CDHR2: variants seen among roughly 807,000 people sequenced by gnomAD.
CDHR2 encodes the protein cadherin-related family member 2.
CDHR2 carries 104 observed loss-of-function variants against 138.6 expected under a neutral mutation model. That is an observed-to-expected ratio of 0.75 (90% CI 0.64 to 0.88). CDHR2 has a LOEUF of 0.88. Among genes scored for constraint, CDHR2 ranks in the 40% least tolerant of loss-of-function variants. CDHR2 has a pLI of 0.00. For missense variants in CDHR2, 1,624 were observed against 1,727.6 expected (o/e 0.94, Z 1.06); for synonymous variants, 755 against 742.8 (o/e 1.02, Z -0.27).
At chr5:176,558,214 A>AT (rs34795456) in intron 1 of CDHR2, among the ~76,000 whole-genome samples, 12 of 132,200 alleles carry the variant, frequency 9.1e-5, no homozygotes, top group African/African-American at 3.1e-4. Context: ...TTCTTTTCTT[A>AT]TTTTTTTTTT....
At chr5:176,578,333 C>G (rs377067112) in intron 15 of CDHR2, 32 bp from the exon 16 acceptor site, 2 of 1,589,608 alleles carry the variant, frequency 1.3e-6, no homozygotes, top group African/African-American at 1.3e-5. Context: ...CATCCTGTGT[C>G]TCTATTTGCT....
intron 1 of CDHR2, among the ~76,000 whole-genome samples, chr5:176,552,841 T>A (rs958043734): frequency 2.6e-5 from 4 of 152,208 alleles, no homozygotes; most frequent in Non-Finnish European, 5.9e-5. Context: ...GCCTTGGAGC[T>A]GCTGGGCAGG....
rs112420574 is a variant in CDHR2 at position 176,572,734 on chromosome 5, T to A, written c.406-1349T>A. On this transcript the variant is annotated intron_variant, in intron 6 of 31. Coordinates refer to ENST00000261944, the MANE Select transcript of CDHR2 (RefSeq NM_017675.6). ...CATGTGCCTGCAAAGACCTTCCAGG[T>A]GGGGGGCCCCATGCCAGGCCAGACA... Among the ~76,000 whole-genome samples the A allele has an allele frequency of 4.7e-3, 718 of 152,238 alleles. 5 individuals are homozygous for A. The highest frequency in any genetic ancestry group is 8.6e-3 in the Admixed American group (131 of 15,292).
chr5:176,589,769 C>A (rs368089178), intron 24 of CDHR2, among the ~76,000 whole-genome samples, 153 bp downstream of exon 24: 1 of 152,192 alleles, frequency 6.6e-6, no homozygotes, highest in African/African-American at 2.4e-5. Flanking sequence ...ACCTGCACGA[C>A]GTTCTTGCAT....
At chr5:176,564,352 A>C (rs535322045) in intron 1 of CDHR2, among the ~76,000 whole-genome samples, 52 of 152,244 alleles carry the variant, frequency 3.4e-4, no homozygotes, top group Non-Finnish European at 1.2e-4. Context: ...TGCCCGGCTA[A>C]CGTTTTTTGT....
intron 1 of CDHR2, among the ~76,000 whole-genome samples, chr5:176,557,672 A>G (rs1469240944): frequency 3.9e-5 from 5 of 127,268 alleles, no homozygotes; most frequent in Non-Finnish European, 8.0e-5. Context: ...CTAAGTCATT[A>G]TCTGTTGATT....
In CDHR2 at chr5:176,565,223, G is replaced by A. The variant is rs1490052248; in HGVS notation, c.-15-115G>A. ...GACAGAGGGTGATAGAGGCCCTGGG[G>A]GAGAACTACTAAGCAGCAGTGGTGG... On this transcript the variant is annotated intron_variant, in intron 1 of 31. Coordinates refer to ENST00000261944, the MANE Select transcript of CDHR2 (RefSeq NM_017675.6). 5 of 741,354 alleles carry A rather than the reference G, an allele frequency of 6.7e-6. No homozygotes were observed. The Admixed American group carries it at 8.0e-5, about 12-fold the overall frequency. The allele number at this position is 741,354 out of a possible 1,614,324, so 45.9% of individuals were successfully genotyped here. A position where few individuals can be genotyped will look rare whatever the true frequency, so the allele number is the denominator to read the frequency against.
intron 1 of CDHR2, among the ~76,000 whole-genome samples, chr5:176,563,166 G>A (rs925963581): frequency 2.0e-5 from 3 of 152,100 alleles, no homozygotes; most frequent in African/African-American, 4.8e-5. Flanking sequence ...TGGCCAACAC[G>A]GTGAAACCCC....
At chr5:176,555,769 T>G (rs1003206153) in intron 1 of CDHR2, among the ~76,000 whole-genome samples, 8 of 123,424 alleles carry the variant, frequency 6.5e-5, no homozygotes, top group Non-Finnish European at 7.4e-5. Flanking sequence ...TAGCTAGGTG[T>G]GGTGGCTCAC....
At chr5:176,592,596 T>TA in intron 30 of CDHR2, 127 bp from the exon 31 acceptor site, 1 of 741,086 alleles carries the variant, frequency 1.3e-6, no homozygotes, top group Non-Finnish European at 2.4e-6. Context: ...ATGATGGTGG[T>TA]GGTGGTGATG....
chr5:176,591,471 C>T lies in CDHR2; in HGVS notation c.3721C>T (p.Leu1241=). The change falls in exon 30 of 32, where the codon CTG becomes TTG. Residue 1241 remains leucine (L), a synonymous_variant. Coordinates refer to ENST00000261944, the MANE Select transcript of CDHR2 (RefSeq NM_017675.6). ...GGAGTACCTCTCTCCCTCCAATGAC[C>T]TGGACTCTGTCAGGTGAGCAGTGCC... The part of the protein sequence containing the change: ...GLEYLSPSND[L]DSVSVNSLDD... 6.2e-7 allele frequency: 1 copy of T among 1,613,438 alleles called. No individual in the cohort carries two copies. Among genetic ancestry groups the T allele is most frequent in the Non-Finnish European group, 8.5e-7 (1 of 1,179,578 alleles).
At chr5:176,569,444 C>T (rs911342096) in intron 5 of CDHR2, among the ~76,000 whole-genome samples, 4 of 151,876 alleles carry the variant, frequency 2.6e-5, no homozygotes, top group South Asian at 2.1e-4. Context: ...CCACCACGCC[C>T]GGCTAATTTT....
rs1232748411 is a variant in CDHR2 at position 176,589,042 on chromosome 5, T to C, written c.2868T>C (p.Asp956=). ...REVASVRARD[D]DSGNNGVILF... ...ACTCTTGCTCCCAGGCCAGAGACGA[T>C]GATTCAGGGAACAATGGCGTCATCC... is the stretch of plus-strand genomic sequence containing the variant. Residue 956 remains aspartate (D), a synonymous_variant, in exon 22 of 32, where the codon GAT becomes GAC. Transcript: ENST00000261944. 6.2e-7 allele frequency: 1 copy of C among 1,613,900 alleles called. No homozygotes were observed. Among genetic ancestry groups the C allele is most frequent in the Non-Finnish European group, 8.5e-7 (1 of 1,179,970 alleles).
At chr5:176,579,768 C>T (rs895049278) in intron 16 of CDHR2, among the ~76,000 whole-genome samples, 12 of 152,120 alleles carry the variant, frequency 7.9e-5, no homozygotes, top group Non-Finnish European at 8.8e-5. Flanking sequence ...TCGGAGTGGT[C>T]CCACTCTGGA....
chr5:176,575,430 C>T lies in CDHR2; in HGVS notation c.768+4C>T. The T allele has an allele frequency of 6.2e-7, 1 of 1,614,192 alleles. No individual in the cohort carries two copies. Among genetic ancestry groups the T allele is most frequent in the Middle Eastern group, 1.6e-4 (1 of 6,062 alleles). On this transcript the variant is annotated splice_donor_region_variant and intron_variant, in intron 9 of 31. Transcript: ENST00000261944. ...TGTGGCTGAGGATGCAGCCAAGGTG[C>T]ACGGGGGACCTGTGGGGTGTGGGTG...
intron 1 of CDHR2, among the ~76,000 whole-genome samples, chr5:176,544,197 T>C (rs1352227645): frequency 1.3e-5 from 2 of 152,170 alleles, no homozygotes; most frequent in Admixed American, 6.5e-5. Flanking sequence ...GTCTACTTAG[T>C]TTTTAAAGCT....
chr5:176,580,154 A>ACACTCACACACG (rs1020389665), intron 16 of CDHR2, among the ~76,000 whole-genome samples: 14 of 148,688 alleles, frequency 9.4e-5, no homozygotes, highest in African/African-American at 3.6e-4. Flanking sequence ...ACTCACACAC[A>ACACTCACACACG]CACTCACACA....
At chr5:176,569,130 C>T (rs139592516) in intron 5 of CDHR2, 120 bp downstream of exon 5, 33 of 781,992 alleles carry the variant, frequency 4.2e-5, no homozygotes, top group African/African-American at 3.0e-4. Flanking sequence ...TTATTTATAT[C>T]GAGATTATAC....
At position 176,568,706 on chromosome 5, in the gene CDHR2, A is replaced by G. The variant is rs1561870820; in HGVS notation, c.153A>G (p.Glu51=). The change falls in exon 4 of 32, where the codon GAA becomes GAG. Residue 51 remains glutamate, a synonymous_variant. Transcript: ENST00000261944. ...VGAQAFWLVA[E]DQDNDPLTYG... is the part of the protein sequence containing the mutation. ...CCCAGGCCTTCTGGTTGGTAGCGGA[A>G]GACCAGGACAATGACCCTCTGACCT... 6.2e-7 allele frequency: 1 copy of G among 1,614,206 alleles called. No individual in the cohort carries two copies. Among genetic ancestry groups the G allele is most frequent in the Admixed American group, 1.7e-5 (1 of 60,024 alleles).
Sources: gnomAD v4.1 joint callset for allele counts (sites outside exome capture counted in the v4.1 genomes callset) on GRCh38, gnomAD v4.1.1 for gene constraint, MANE v1.5 for transcripts, NCBI Gene and HGNC (gene_info 2026-07-23, HGNC 2026-07-21) for gene names.